TRDN: variants seen among roughly 807,000 people sequenced by gnomAD.
TRDN encodes the protein triadin in skeletal muscle.
Under a neutral mutation model 149.7 loss-of-function variants are expected in TRDN, and 161 were observed. That is an observed-to-expected ratio of 1.08 (90% CI 0.95 to 1.23). The LOEUF (loss-of-function observed/expected upper bound fraction) is 1.23. Ranked by LOEUF, TRDN falls within the 50% of genes most tolerant of loss-of-function variation. The pLI, the probability that TRDN is intolerant of heterozygous loss-of-function variation, is 0.00. For missense variants in TRDN, 896 were observed against 823.5 expected (o/e 1.09, Z -1.08); for synonymous variants, 294 against 250.5 (o/e 1.17, Z -1.64).
intron 6 of TRDN, among the ~76,000 whole-genome samples, chr6:123,515,093 A>G (rs1057204772): frequency 4.0e-4 from 61 of 152,252 alleles, no homozygotes; most frequent in African/African-American, 1.4e-3. Flanking sequence ...AATTTAAAAA[A>G]AAGAAAGAAA....
At position 123,627,601 on chromosome 6, in the gene TRDN, A is replaced by T. The variant is rs1429911364; in HGVS notation, c.22+9153T>A. 2.0e-5 allele frequency among the ~76,000 whole-genome samples: 3 copies of T among 152,208 alleles called. No individual in the cohort carries two copies. In the East Asian group the frequency reaches 5.8e-4, roughly 29 times the overall value. On this transcript the variant is annotated intron_variant, in intron 1 of 40. Transcript: ENST00000334268. Reference sequence around the variant, plus strand: ...GCTTCAACTTGAAGTCACCAGCTGCATTATTCCCTAACAAGAGTCAGCCTA... The same window carrying T: ...GCTTCAACTTGAAGTCACCAGCTGCTTTATTCCCTAACAAGAGTCAGCCTA...
At chr6:123,285,846 AT>A (rs1321319872) in intron 24 of TRDN, among the ~76,000 whole-genome samples, 1 of 152,112 alleles carries the variant, frequency 6.6e-6, no homozygotes, top group Non-Finnish European at 1.5e-5. Context: ...AAAAAATCCC[AT>A]CAAAAAGTGG....
At chr6:123,433,157 TATATA>T (rs1438913476) in intron 12 of TRDN, among the ~76,000 whole-genome samples, 2,176 of 60,506 alleles carry the variant, frequency 0.036, 62 homozygotes, top group African/African-American at 0.077. Flanking sequence ...TATATATATA[TATATA>T]ATATATATAT....
At chr6:123,475,216 T>G (rs1583107071) in intron 9 of TRDN, among the ~76,000 whole-genome samples, 1 of 149,748 alleles carries the variant, frequency 6.7e-6, no homozygotes, top group Middle Eastern at 3.6e-3. Context: ...TAAAAAATGA[T>G]AAAGGGGATA....
chr6:123,630,470 T>C (rs1412490795), intron 1 of TRDN, among the ~76,000 whole-genome samples: 4 of 152,026 alleles, frequency 2.6e-5, no homozygotes, highest in Non-Finnish European at 5.9e-5. Flanking sequence ...CCAACAGTAT[T>C]GGAGGCCTTA....
intron 1 of TRDN, among the ~76,000 whole-genome samples, chr6:123,603,402 T>C (rs1784370601): frequency 6.6e-6 from 1 of 152,122 alleles, no homozygotes; most frequent in African/African-American, 2.4e-5. Flanking sequence ...CCTGTTTTAC[T>C]CTTTTTTTTT....
intron 24 of TRDN, among the ~76,000 whole-genome samples, chr6:123,280,554 C>T (rs907252488): frequency 1.3e-5 from 2 of 151,928 alleles, no homozygotes; most frequent in African/African-American, 4.8e-5. Context: ...ATCTTCCTAT[C>T]TACATATAGT....
chr6:123,557,485 C>T (rs538956837), intron 2 of TRDN, among the ~76,000 whole-genome samples: 16 of 152,122 alleles, frequency 1.1e-4, no homozygotes, highest in Middle Eastern at 3.4e-3. Context: ...TCAATCTTGG[C>T]GCCACACTTC....
intron 12 of TRDN, among the ~76,000 whole-genome samples, chr6:123,428,878 C>T (rs1774226971): frequency 6.6e-6 from 1 of 152,122 alleles, no homozygotes. Flanking sequence ...ATGTCTATTA[C>T]ACTGATCTAT....
intron 19 of TRDN, among the ~76,000 whole-genome samples, chr6:123,371,409 T>C (rs552019477): frequency 2.2e-4 from 34 of 152,194 alleles, no homozygotes; most frequent in Non-Finnish European, 4.3e-4. Flanking sequence ...TTGGGAAATT[T>C]GTTTATATCT....
chr6:123,450,426 G>C (rs1300646982), intron 10 of TRDN, among the ~76,000 whole-genome samples: 1 of 152,102 alleles, frequency 6.6e-6, no homozygotes, highest in Non-Finnish European at 1.5e-5. Context: ...AAAGCAAGCA[G>C]AGGTAGCTAT....
intron 1 of TRDN, among the ~76,000 whole-genome samples, chr6:123,598,233 A>G (rs954881010): frequency 6.6e-6 from 1 of 152,122 alleles, no homozygotes; most frequent in African/African-American, 2.4e-5. Context: ...AGCATGTAAT[A>G]TTCAAGGTAA....
intron 33 of TRDN, among the ~76,000 whole-genome samples, chr6:123,265,029 C>G (rs1403713985): frequency 6.6e-6 from 1 of 151,990 alleles, no homozygotes; most frequent in African/African-American, 2.4e-5. Context: ...ACAATGACAT[C>G]TAATTTTCCT....
chr6:123,422,220 G>C (rs564972617), intron 12 of TRDN, among the ~76,000 whole-genome samples: 3 of 152,074 alleles, frequency 2.0e-5, no homozygotes, highest in Non-Finnish European at 4.4e-5. Context: ...CTTGGAACCA[G>C]TCGCTGGGAC....
In TRDN at chr6:123,547,361, C is replaced by T. The variant is rs192289289; in HGVS notation, c.403G>A (p.Glu135Lys). ...TAACCTTTTTTTCTCAAGGGAGGCT[C>T]ATCTATTTCTCCTAGACCAAGATTA... Reference protein sequence around the residue: ...DEDTDKGEIDEPPLRKKEIHK... With the variant: ...DEDTDKGEIDKPPLRKKEIHK... The change falls in exon 4 of 41, where the codon GAG becomes AAG. Residue 135 changes from glutamate to lysine, a missense_variant. By Grantham distance (56) the Glu-to-Lys change is moderately conservative. Transcript: ENST00000334268. 14,649 of 1,458,352 alleles carry T rather than the reference C, an allele frequency of 0.01. 88 individuals carry two copies. Among genetic ancestry groups the T allele is most frequent in the Non-Finnish European group, 0.012 (13,382 of 1,097,372 alleles). The allele number at this position is 1,458,352 out of a possible 1,614,324, so 90.3% of individuals were successfully genotyped here. A position where few individuals can be genotyped will look rare whatever the true frequency, so the allele number is the denominator to read the frequency against.
intron 1 of TRDN, among the ~76,000 whole-genome samples, chr6:123,571,452 G>A (rs546467053): frequency 6.9e-6 from 1 of 144,702 alleles, no homozygotes; most frequent in African/African-American, 2.5e-5. Flanking sequence ...TTGTATAATT[G>A]ACCCATCTAG....
At chr6:123,456,978 G>T (rs148677659) in intron 10 of TRDN, 1 of 357,902 alleles carries the variant, frequency 2.8e-6, no homozygotes. Flanking sequence ...GTAAGCAAGA[G>T]CATTGGAGGA....
At chr6:123,403,050 G>A (rs6924329) in intron 12 of TRDN, among the ~76,000 whole-genome samples, 5,393 of 152,210 alleles carry the variant, frequency 0.035, 286 homozygotes, top group African/African-American at 0.11. Flanking sequence ...CATGCACATC[G>A]AAGTGTAAAC....
At chr6:123,379,002 T>C (rs1007061755) in intron 16 of TRDN, among the ~76,000 whole-genome samples, 6 of 152,210 alleles carry the variant, frequency 3.9e-5, no homozygotes, top group Non-Finnish European at 8.8e-5. Context: ...TCTATTCTTA[T>C]TTATTTTGCC....
Sources: allele counts gnomAD v4.1 joint callset (sites outside exome capture counted in the v4.1 genomes callset), GRCh38; gene constraint gnomAD v4.1.1; transcripts MANE v1.5; gene names NCBI Gene and HGNC (gene_info 2026-07-23, HGNC 2026-07-21).